The following NEXN variants were observed in gnomAD, a reference collection of about 807,000 sequenced individuals.
NEXN encodes the protein nexilin F-actin binding protein.
Under a neutral mutation model 92.6 loss-of-function variants are expected in NEXN, and 65 were observed. The ratio of observed to expected loss-of-function variants is 0.70; its 90% confidence interval spans 0.57 to 0.86. The LOEUF is 0.86. NEXN is among the 40% of genes least tolerant of loss of function. The pLI is 0.00. For missense variants in NEXN, 778 were observed against 771.1 expected (o/e 1.01, Z -0.11); for synonymous variants, 254 against 242.5 (o/e 1.05, Z -0.44).
At chr1:77,909,519 T>A (rs1364815888) in intron 1 of NEXN, among the ~76,000 whole-genome samples, 1 of 152,220 alleles carries the variant, frequency 6.6e-6, no homozygotes, top group African/African-American at 2.4e-5. Flanking sequence ...TGCTATTTAT[T>A]ATTTTTATCT....
rs527639110 is a variant in NEXN, at chr1:77,917,768, T to C, written c.219+11T>C. ...AGGAGAAAGCAGGAGGTTATTTTATTTTACTTTATTCTCGTGAAAATATTT... is the reference window on the plus strand; with the variant it reads ...AGGAGAAAGCAGGAGGTTATTTTATCTTACTTTATTCTCGTGAAAATATTT... On this transcript the variant is annotated intron_variant, in intron 3 of 12. Transcript: ENST00000334785. 2 of 1,592,702 alleles carry C rather than the reference T, an allele frequency of 1.3e-6. No individual in the cohort carries two copies. Among genetic ancestry groups the C allele is most frequent in the Non-Finnish European group, 1.7e-6 (2 of 1,161,466 alleles).
At chr1:77,937,246 G>T (rs1253868100) in intron 11 of NEXN, among the ~76,000 whole-genome samples, 1 of 152,104 alleles carries the variant, frequency 6.6e-6, no homozygotes, top group Non-Finnish European at 1.5e-5. Context: ...TGAGGCTGCG[G>T]TGAACTGTGA....
At chr1:77,927,240 A>C (rs1649926122) in intron 8 of NEXN, among the ~76,000 whole-genome samples, 1 of 151,684 alleles carries the variant, frequency 6.6e-6, no homozygotes, top group African/African-American at 2.4e-5. Context: ...ACGCCATTGC[A>C]CTCCAGCCTG....
In NEXN at chr1:77,942,736, C is replaced by G. The variant is rs794729086; in HGVS notation, c.1935C>G (p.Phe645Leu). 2 of 1,613,688 alleles carry G rather than the reference C, an allele frequency of 1.2e-6. No homozygotes were observed. Residue 645 changes from phenylalanine to leucine, a missense_variant, in exon 13 of 13, where the codon TTC becomes TTG. This residue lies in a region of NEXN where 532 missense variants were observed against 476.7 expected (regional missense o/e 1.12). Transcript: ENST00000334785. ...ACTGCCTTTACTTACCAGAAACTTT[C>G]CCAGAAGATGGAGGAGAGTATATGT... ...ETYCLYLPETFPEDGGEYMCK... is the reference protein window; with the variant it reads ...ETYCLYLPETLPEDGGEYMCK...
At chr1:77,899,827 T>C (rs886952455) in intron 1 of NEXN, among the ~76,000 whole-genome samples, 1 of 152,148 alleles carries the variant, frequency 6.6e-6, no homozygotes, top group Non-Finnish European at 1.5e-5. Flanking sequence ...CACCATGTCC[T>C]GTCAATTCCA....
chr1:77,925,102 A>C, intron 5 of NEXN, 86 bp from the exon 6 acceptor site: 1 of 852,422 alleles, frequency 1.2e-6, no homozygotes. Context: ...ACTATAAGTC[A>C]CAACTAAATT....
chr1:77,899,648 A>T (rs985726749), intron 1 of NEXN, among the ~76,000 whole-genome samples: 2 of 150,640 alleles, frequency 1.3e-5, no homozygotes, highest in African/African-American at 4.8e-5. Context: ...AACTTAAAAT[A>T]TAATAATAAT....
chr1:77,917,733 A>G lies in NEXN; in HGVS notation c.195A>G (p.Arg65=), dbSNP rs2102092422. ...GAAAAGAACAATATATTAGAGAGAG[A>G]GAATGGAACAGGAGAAAGCAGGAGG... ...QRRKEQYIRE[R]EWNRRKQEIK... The change falls in exon 3 of 13, where the codon AGA becomes AGG. Residue 65 remains arginine (R), a synonymous_variant. Transcript: ENST00000334785. 1 of 1,610,116 alleles carries G rather than the reference A, an allele frequency of 6.2e-7. No homozygotes were observed. The highest frequency in any genetic ancestry group is 8.5e-7 in the Non-Finnish European group (1 of 1,176,884).
chr1:77,927,693 TACTA>T (rs368565517), intron 8 of NEXN, among the ~76,000 whole-genome samples: 3 of 152,192 alleles, frequency 2.0e-5, no homozygotes, highest in South Asian at 2.1e-4. Flanking sequence ...ATCAGCCATT[TACTA>T]ACTGTGTAAC....
Position 77,929,304 on chromosome 1 carries a change from T to G in NEXN, c.865-12T>G, listed in dbSNP as rs746558401. ...ACCTCAATTCTTAGTAATGAATTGTTTATTTGGTTAGGTAAATGAAGATGA... is the reference window on the plus strand; with the variant it reads ...ACCTCAATTCTTAGTAATGAATTGTGTATTTGGTTAGGTAAATGAAGATGA... On this transcript the variant is annotated splice_polypyrimidine_tract_variant and intron_variant, in intron 8 of 12. Transcript: ENST00000334785. The G allele has an allele frequency of 9.6e-6, 15 of 1,556,114 alleles. No homozygotes were observed. The highest frequency in any genetic ancestry group is 2.7e-5 in the African/African-American group (2 of 73,658).
chr1:77,905,379 C>T (rs1469397401), intron 1 of NEXN, among the ~76,000 whole-genome samples: 2 of 151,808 alleles, frequency 1.3e-5, no homozygotes, highest in Non-Finnish European at 2.9e-5. Context: ...AAGTGATTCA[C>T]CTTGAAGCTG....
At chr1:77,911,547 G>A (rs1440783132) in intron 1 of NEXN, among the ~76,000 whole-genome samples, 1 of 151,900 alleles carries the variant, frequency 6.6e-6, no homozygotes, top group Admixed American at 6.6e-5. Context: ...AGCCGAGATT[G>A]CACCATTGCA....
At chr1:77,891,739 A>T (rs867577316) in intron 1 of NEXN, among the ~76,000 whole-genome samples, 3 of 37,662 alleles carry the variant, frequency 8.0e-5, no homozygotes, top group Admixed American at 2.9e-4. Context: ...CCAAGTGTGG[A>T]AAAAAAGTAA....
intron 1 of NEXN, among the ~76,000 whole-genome samples, chr1:77,894,935 C>T (rs184364476): frequency 2.0e-4 from 30 of 150,830 alleles, no homozygotes; most frequent in African/African-American, 6.6e-4. Flanking sequence ...AGGCTGGTCT[C>T]GAACTCCTTA....
intron 8 of NEXN, among the ~76,000 whole-genome samples, chr1:77,928,408 A>T (rs188350129): frequency 6.6e-6 from 1 of 151,986 alleles, no homozygotes; most frequent in Admixed American, 6.5e-5. Context: ...TAAGAATTAT[A>T]TATATAAAAA....
chr1:77,902,238 T>C (rs1481420149), intron 1 of NEXN, among the ~76,000 whole-genome samples: 1 of 152,200 alleles, frequency 6.6e-6, no homozygotes, highest in Non-Finnish European at 1.5e-5. Context: ...ACACAATAGG[T>C]ATTCAATTTG....
intron 1 of NEXN, among the ~76,000 whole-genome samples, chr1:77,910,712 T>G (rs1028239344): frequency 7.2e-6 from 1 of 139,624 alleles, no homozygotes; most frequent in African/African-American, 2.8e-5. Context: ...GACTGTGCCA[T>G]TGCACTCCAG....
Position 77,929,414 on chromosome 1 carries a change from A to G in NEXN, c.963A>G (p.Arg321=). The change falls in exon 9 of 13, where the codon AGA becomes AGG. Residue 321 remains arginine, a synonymous_variant. Coordinates refer to ENST00000334785, the MANE Select transcript of NEXN (RefSeq NM_144573.4). ...KLSFEEMERQ[R]REDEKRKAEE... Reference sequence around the variant, plus strand: ...GTTTTGAAGAAATGGAAAGGCAAAGAAGAGAAGATGAAAAAAGGAAAGCAG... The same window carrying G: ...GTTTTGAAGAAATGGAAAGGCAAAGGAGAGAAGATGAAAAAAGGAAAGCAG... 6.2e-7 allele frequency: 1 copy of G among 1,613,890 alleles called. No homozygotes were observed. The highest frequency in any genetic ancestry group is 8.5e-7 in the Non-Finnish European group (1 of 1,179,878).
chr1:77,931,884 A>G (rs1185337644), intron 9 of NEXN: 1 of 152,174 alleles, frequency 6.6e-6, no homozygotes, highest in African/African-American at 2.4e-5. Flanking sequence ...TCAACCACAG[A>G]GTCACAGTTC....
Sources: gnomAD v4.1 joint callset for allele counts (sites outside exome capture counted in the v4.1 genomes callset) on GRCh38, gnomAD v4.1.1 for gene constraint, gnomAD v4.1.1 regional missense constraint, MANE v1.5 for transcripts, NCBI Gene and HGNC (gene_info 2026-07-23, HGNC 2026-07-21) for gene names.